Variants in COL20A1 observed in about 807,000 individuals in gnomAD.
COL20A1 encodes collagen alpha-1(XX) chain.
In COL20A1, 164 loss-of-function variants were observed where a neutral mutation model predicts 152.9. That is an observed-to-expected ratio of 1.07 (90% CI 0.94 to 1.22). COL20A1 has a LOEUF of 1.22. COL20A1 is among the 50% of genes most tolerant of loss of function. COL20A1 has a pLI of 0.00. For missense variants in COL20A1, 1,873 were observed against 1,744.8 expected (o/e 1.07, Z -1.31); for synonymous variants, 864 against 756.0 (o/e 1.14, Z -2.34).
rs775171930 is a variant in COL20A1 at position 63,316,594 on chromosome 20, T to C, written c.2566T>C (p.Tyr856His). The C allele has an allele frequency of 3.1e-6, 5 of 1,588,298 alleles. No homozygotes were observed. Among genetic ancestry groups the C allele is most frequent in the Non-Finnish European group, 4.3e-6 (5 of 1,167,442 alleles). Residue 856 changes from tyrosine (Y) to histidine (H), a missense_variant, in exon 21 of 36, where the codon TAT becomes CAT. By Grantham distance (83) the Tyr-to-His change is moderately conservative. Transcript: ENST00000358894. The part of the protein sequence containing the change: ...MVAFSLVEKA[Y>H]ASIRGVAMEP... ...GGCCTTCAGCCTGGTGGAAAAGGCT[T>C]ATGCGTCCATCCGGGGCGTGGCCAT... is the stretch of plus-strand genomic sequence containing the variant.
chr20:63,307,989 G>T lies in COL20A1; in HGVS notation c.674G>T (p.Gly225Val). The T allele has an allele frequency of 1.9e-6, 3 of 1,612,594 alleles. No homozygotes were observed. Among genetic ancestry groups the T allele is most frequent in the Non-Finnish European group, 2.5e-6 (3 of 1,179,754 alleles). ...KVQVGLTQYS[G>V]DAQTEWDLNS... ...TCCCCAGGCCTGACTCAGTACAGCG[G>T]GGATGCTCAGACTGAGTGGGACCTG... Residue 225 changes from glycine (G) to valine (V), a missense_variant, in exon 7 of 36, where the codon GGG (glycine) becomes GTG (valine). By Grantham distance (109) the Gly-to-Val change is moderately radical. Transcript: ENST00000358894.
intron 34 of COL20A1, 98 bp downstream of exon 34, chr20:63,328,596 G>T: frequency 1.7e-6 from 2 of 1,172,572 alleles, no homozygotes; most frequent in South Asian, 3.1e-5. Context: ...TGTCAGCACA[G>T]CAGCTCCTGC....
At chr20:63,320,785 A>G (rs3746382) in intron 25 of COL20A1, among the ~76,000 whole-genome samples, 32,489 of 152,110 alleles carry the variant, frequency 0.21, 3,773 homozygotes, top group East Asian at 0.4. Context: ...TCATGCGGAC[A>G]GCGTGGCAGG....
intron 21 of COL20A1, among the ~76,000 whole-genome samples, chr20:63,318,781 C>A (rs2068117516): frequency 6.6e-6 from 1 of 152,104 alleles, no homozygotes; most frequent in African/African-American, 2.4e-5. Context: ...CTTTATGTAC[C>A]CCATGTTACT....
rs2068002981 is a variant in COL20A1, at chr20:63,311,410, C to T, written c.1410C>T (p.Pro470=). Residue 470 remains proline, a synonymous_variant, in exon 12 of 36, where the codon CCC becomes CCT. Transcript: ENST00000358894. This position sits in a 1 kb window ranked among gnomAD's most constrained non-coding sequence, Gnocchi z 4.4. Reference sequence around the variant, plus strand: ...GCCCCCCAGCACCTCTGCCTCCGCCCCGGGCGCTGACCCTGGCCGCAGTGA... The same window carrying T: ...GCCCCCCAGCACCTCTGCCTCCGCCTCGGGCGCTGACCCTGGCCGCAGTGA... ...GLVTTAPLPP[P]RALTLAAVTP... The T allele has an allele frequency of 1.9e-6, 3 of 1,582,102 alleles. No homozygotes were observed. The highest frequency in any genetic ancestry group is 2.6e-6 in the Non-Finnish European group (3 of 1,165,048).
Position 63,322,088 on chromosome 20 carries a change from G to T in COL20A1, c.3271G>T (p.Glu1091Ter). 1 of 1,502,832 alleles carries T rather than the reference G, an allele frequency of 6.7e-7. No homozygotes were observed. The highest frequency in any genetic ancestry group is 8.8e-7 in the Non-Finnish European group (1 of 1,130,054). The allele number at this position is 1,502,832 out of a possible 1,614,324, so 93.1% of individuals were successfully genotyped here. A position where few individuals can be genotyped will look rare whatever the true frequency, so the allele number is the denominator to read the frequency against. ...CCCTGGGAGGAATGGCACCCCAGGAGAGCAGGGCTTCCCAGGGCCCAGGGT... is the reference window on the plus strand; with the variant it reads ...CCCTGGGAGGAATGGCACCCCAGGATAGCAGGGCTTCCCAGGGCCCAGGGT... ...GLPGRNGTPG[E>*]QGFPGPRGPP... The change falls in exon 27 of 36, where the codon GAG becomes TAG. Residue 1091 changes from glutamate to a stop codon, truncating the protein, a stop_gained. Coordinates refer to ENST00000358894, the MANE Select transcript of COL20A1 (RefSeq NM_020882.4). LOFTEE classifies it high-confidence loss of function.
At position 63,295,198 on chromosome 20, in the gene COL20A1, A is replaced by G. The variant is rs765164190; in HGVS notation, c.82+9A>G. 1.9e-6 allele frequency: 3 copies of G among 1,544,320 alleles called. No individual in the cohort carries two copies. The highest frequency in any genetic ancestry group is 2.4e-5 in the South Asian group (2 of 83,884). On this transcript the variant is annotated intron_variant, in intron 2 of 35. Coordinates refer to ENST00000358894, the MANE Select transcript of COL20A1 (RefSeq NM_020882.4). ...AAGAGAGCAAGTTCAAGGTAAGGAC[A>G]CTGGCAGTGGGCCCCTGCTTGCCCC...
At chr20:63,297,698 G>A (rs945949786) in intron 2 of COL20A1, among the ~76,000 whole-genome samples, 4 of 152,234 alleles carry the variant, frequency 2.6e-5, no homozygotes, top group Admixed American at 6.5e-5. Context: ...GGGGAGGGCC[G>A]GGTTCTCCTC....
rs1399293689 is a variant in COL20A1, at chr20:63,319,595, A to C, written c.2915A>C (p.Lys972Thr). The change falls in exon 23 of 36, where the codon AAG (lysine) becomes ACG (threonine). Residue 972 changes from lysine (K) to threonine (T), a missense_variant and splice_region_variant. By Grantham distance (78) the Lys-to-Thr change is moderately conservative. Transcript: ENST00000358894. This position sits in a 1 kb window ranked among gnomAD's most constrained non-coding sequence, Gnocchi z 4.4. ...AAGATTTTCTTCGGGAGCTTCCACA[A>C]GGTCCTGGTGCAGCTCGCGCCCCTC... is the stretch of plus-strand genomic sequence containing the variant. ...VRKIFFGSFH[K>T]VHVAVGRSKV... 4 of 1,570,258 alleles carry C rather than the reference A, an allele frequency of 2.5e-6. No homozygotes were observed. The highest frequency in any genetic ancestry group is 1.8e-5 in the Admixed American group (1 of 54,360).
intron 5 of COL20A1, among the ~76,000 whole-genome samples, chr20:63,307,271 C>T (rs953495614): frequency 9.8e-5 from 15 of 152,346 alleles, no homozygotes; most frequent in African/African-American, 2.4e-4. Context: ...CAGAGGTGCC[C>T]GAGCACCAGG....
intron 15 of COL20A1, 121 bp downstream of exon 15, chr20:63,312,670 G>T: frequency 6.8e-7 from 1 of 1,465,968 alleles, no homozygotes; most frequent in Non-Finnish European, 9.2e-7. Context: ...GCCAGGTGGG[G>T]ATGGGCACCC....
At position 63,316,675 on chromosome 20, in the gene COL20A1, C is replaced by A; in HGVS notation, c.2647C>A (p.Leu883Met). Reference protein sequence around the residue: ...PTFTLFKDAQLTRRVSDVYPA... With the variant: ...PTFTLFKDAQMTRRVSDVYPA... ...CTTCACGCTCTTCAAGGACGCCCAG[C>A]TGACAAGACGGGTCAGGTGTGAGGG... The change falls in exon 21 of 36, where the codon CTG (leucine) becomes ATG (methionine). Residue 883 changes from leucine to methionine, a missense_variant. Leu to Met is a conservative substitution (Grantham distance 15). Transcript: ENST00000358894. 1 of 1,568,914 alleles carries A rather than the reference C, an allele frequency of 6.4e-7. No homozygotes were observed. The highest frequency in any genetic ancestry group is 8.6e-7 in the Non-Finnish European group (1 of 1,158,178).
chr20:63,297,696 C>G (rs2067815923), intron 2 of COL20A1, among the ~76,000 whole-genome samples: 1 of 152,222 alleles, frequency 6.6e-6, no homozygotes, highest in South Asian at 2.1e-4. Flanking sequence ...CCGGGGAGGG[C>G]CGGGTTCTCC....
At position 63,307,483 on chromosome 20, in the gene COL20A1, GCCCCAGCCGGC is replaced by G; in HGVS notation, c.497_507del (p.Ala166ValfsTer10). On this transcript the variant is annotated splice_acceptor_variant and splice_polypyrimidine_tract_variant and coding_sequence_variant and intron_variant, in exon 6 of 36. Transcript: ENST00000358894. LOFTEE classifies it high-confidence loss of function. ...ACCTAGCACCTGACCCGCTCCCACCGCCCCAGCCGGCCCCCAGTTCCGCTGCCTGCCCCCCG... is the reference window on the plus strand; with the variant it reads ...ACCTAGCACCTGACCCGCTCCCACCGCCCCAGTTCCGCTGCCTGCCCCCCG... The G allele has an allele frequency of 6.2e-7, 1 of 1,609,118 alleles. No homozygotes were observed. The highest frequency in any genetic ancestry group is 8.5e-7 in the Non-Finnish European group (1 of 1,178,458).
chr20:63,297,247 C>T (rs1430338121), intron 2 of COL20A1, among the ~76,000 whole-genome samples: 6 of 151,688 alleles, frequency 4.0e-5, no homozygotes, highest in South Asian at 2.1e-4. Flanking sequence ...CCAGGGGACT[C>T]AGCCCAGGGG....
rs2067930766 is a variant in COL20A1 at position 63,306,723 on chromosome 20, A to C, written c.496+684A>C. On this transcript the variant is annotated intron_variant, in intron 5 of 35. Coordinates refer to ENST00000358894, the MANE Select transcript of COL20A1 (RefSeq NM_020882.4). The surrounding 1 kb of genome is among the most constrained non-coding windows in gnomAD (Gnocchi z 6.9). ...TAGGCAGGGCTGGGCTTCCCCATAGAACTGGGAGGGCCTGGCTTTGTCTCC... is the reference window on the plus strand; with the variant it reads ...TAGGCAGGGCTGGGCTTCCCCATAGCACTGGGAGGGCCTGGCTTTGTCTCC... 1.3e-5 allele frequency among the ~76,000 whole-genome samples: 2 copies of C among 152,198 alleles called. No homozygotes were observed. The highest frequency in any genetic ancestry group is 2.9e-5 in the Non-Finnish European group (2 of 68,016).
chr20:63,314,178 C>T lies in COL20A1; in HGVS notation c.2465C>T (p.Ala822Val), dbSNP rs1254971359. ...ATCTATGCAGCAGGCAGGAGTGAGG[C>T]TGTGTCTGCCACGGGCCAGACAGGT... ...SAIYAAGRSE[A>V]VSATGQTACP... Residue 822 changes from alanine to valine, a missense_variant, in exon 19 of 36, where the codon GCT becomes GTT. Physicochemically the swap from Ala to Val is moderately conservative, Grantham distance 64. Transcript: ENST00000358894. The T allele has an allele frequency of 1.3e-6, 2 of 1,573,370 alleles. No homozygotes were observed. The highest frequency in any genetic ancestry group is 1.7e-6 in the Non-Finnish European group (2 of 1,159,920).
intron 2 of COL20A1, among the ~76,000 whole-genome samples, chr20:63,295,535 C>T (rs1325974595): frequency 1.3e-5 from 2 of 152,140 alleles, no homozygotes; most frequent in Non-Finnish European, 2.9e-5. Flanking sequence ...TTCCCACCGC[C>T]GCCTCCCACT....
chr20:63,325,588 G>A (rs2068234054), intron 28 of COL20A1, 80 bp from the exon 29 acceptor site: 1 of 1,548,906 alleles, frequency 6.5e-7, no homozygotes, highest in South Asian at 1.1e-5. Flanking sequence ...CACAGGGGTT[G>A]GGGGTGAGGC....
Sources: gnomAD v4.1 joint callset for allele counts (sites outside exome capture counted in the v4.1 genomes callset) on GRCh38, gnomAD v4.1.1 for gene constraint, Gnocchi (gnomAD v3.1) non-coding constraint, MANE v1.5 for transcripts, NCBI Gene and HGNC (gene_info 2026-07-23, HGNC 2026-07-21) for gene names.